Variants in GRIK2 observed in about 807,000 individuals in gnomAD.
GRIK2 encodes the protein glutamate receptor ionotropic, kainate 2.
A neutral mutation model predicts 100.3 loss-of-function variants in GRIK2; 32 were observed. That is an observed-to-expected ratio of 0.32 (90% CI 0.24 to 0.43). The LOEUF (loss-of-function observed/expected upper bound fraction) is 0.43, where lower values mean the gene tolerates loss of function less well. GRIK2 is among the 20% of genes least tolerant of loss of function. The probability of loss-of-function intolerance (pLI) is 1.00; values close to 1 mark genes in which losing one functional copy is unlikely to be tolerated. For synonymous variants in GRIK2, 417 were observed against 389.4 expected (o/e 1.07, Z -0.83); for missense variants, 843 against 1,114.9 (o/e 0.76, Z 3.47).
intron 2 of GRIK2, among the ~76,000 whole-genome samples, chr6:101,420,548 T>C (rs1486343008): frequency 6.6e-6 from 1 of 152,168 alleles, no homozygotes; most frequent in Non-Finnish European, 1.5e-5. Flanking sequence ...GATTCTCAGA[T>C]TCCATCCCAG....
rs144802024 is a variant in GRIK2, at chr6:101,649,619, C to T, written c.541+22982C>T. ...CCTACCTGTATTCTCATAAATTAGT[C>T]GAACTGAGTCACCTTCCTAAACTCT... On this transcript the variant is annotated intron_variant, in intron 4 of 16. Transcript: ENST00000369134. 1.5e-4 allele frequency among the ~76,000 whole-genome samples: 23 copies of T among 152,204 alleles called. No individual in the cohort carries two copies. The East Asian group carries it at 3.3e-3, about 22-fold the overall frequency.
At chr6:101,831,155 T>C (rs1782656231) in intron 10 of GRIK2, among the ~76,000 whole-genome samples, 1 of 152,154 alleles carries the variant, frequency 6.6e-6, no homozygotes, top group African/African-American at 2.4e-5. Context: ...CTCTAGATTA[T>C]GATAGTTATT....
At chr6:101,746,620 C>A (rs996981344) in intron 7 of GRIK2, among the ~76,000 whole-genome samples, 3 of 152,146 alleles carry the variant, frequency 2.0e-5, no homozygotes, top group Non-Finnish European at 2.9e-5. Flanking sequence ...AGCCACTGCG[C>A]CTGGCCTACC....
chr6:101,618,231 T>G (rs532384452), intron 2 of GRIK2, among the ~76,000 whole-genome samples: 12 of 151,834 alleles, frequency 7.9e-5, no homozygotes, highest in African/African-American at 2.6e-4. Context: ...TTATTGAAAA[T>G]ACAATCCTTT....
rs147316188 is a variant in GRIK2 at position 102,039,183 on chromosome 6, C to T, written c.2311+3617C>T. 5.3e-5 allele frequency among the ~76,000 whole-genome samples: 8 copies of T among 151,472 alleles called. No homozygotes were observed. In the East Asian group the frequency reaches 1.6e-3, roughly 30 times the overall value. Reference sequence around the variant, plus strand: ...TACTGCCCAAAGTGTGCTGTGAGATCGCTGAATGACTCAGAATAAGCTATT... The same window carrying T: ...TACTGCCCAAAGTGTGCTGTGAGATTGCTGAATGACTCAGAATAAGCTATT... On this transcript the variant is annotated intron_variant, in intron 15 of 16. Coordinates refer to ENST00000369134, the MANE Select transcript of GRIK2 (RefSeq NM_021956.5).
At chr6:101,488,581 T>C (rs368431489) in intron 2 of GRIK2, among the ~76,000 whole-genome samples, 4 of 146,660 alleles carry the variant, frequency 2.7e-5, no homozygotes, top group South Asian at 2.2e-4. Context: ...GATGTCTTCA[T>C]TGGTTTTGCA....
intron 3 of GRIK2, among the ~76,000 whole-genome samples, chr6:101,625,734 A>T (rs1366852925): frequency 6.6e-6 from 1 of 152,172 alleles, no homozygotes; most frequent in African/African-American, 2.4e-5. Context: ...ACTTTAAAAA[A>T]TAGAATAATA....
intron 2 of GRIK2, among the ~76,000 whole-genome samples, chr6:101,575,324 T>G (rs1027134263): frequency 6.6e-6 from 1 of 151,946 alleles, no homozygotes; most frequent in African/African-American, 2.4e-5. Flanking sequence ...AATTTTTTTG[T>G]AGCAGACCAA....
intron 2 of GRIK2, among the ~76,000 whole-genome samples, chr6:101,444,119 C>T (rs2128247048): frequency 6.6e-6 from 1 of 151,906 alleles, no homozygotes; most frequent in South Asian, 2.1e-4. Context: ...GGGTCTTGCT[C>T]TGTTGCCTAG....
chr6:101,664,521 A>C (rs143022829), intron 4 of GRIK2, among the ~76,000 whole-genome samples: 1 of 152,386 alleles, frequency 6.6e-6, no homozygotes, highest in South Asian at 2.1e-4. Context: ...TGAAATTAGC[A>C]TATACTGAGC....
At chr6:102,014,815 G>T (rs1462292079) in intron 14 of GRIK2, among the ~76,000 whole-genome samples, 1 of 151,858 alleles carries the variant, frequency 6.6e-6, no homozygotes, top group African/African-American at 2.4e-5. Flanking sequence ...GTATGACAGG[G>T]GGTTCTTTTG....
chr6:101,418,237 G>A (rs1776243525), intron 2 of GRIK2, among the ~76,000 whole-genome samples: 1 of 152,142 alleles, frequency 6.6e-6, no homozygotes, highest in Non-Finnish European at 1.5e-5. Context: ...CAGTATTTTA[G>A]CAAGTGTTTG....
chr6:101,924,507 T>C lies in GRIK2; in HGVS notation c.1749-94T>C, dbSNP rs2518283. On this transcript the variant is annotated intron_variant, in intron 12 of 16. Coordinates refer to ENST00000369134, the MANE Select transcript of GRIK2 (RefSeq NM_021956.5). ...TGTTTCTGCTTTCTACTTAAACTTATCTGTCTTTTTGTTTCTTTTGCAGCA... is the reference window on the plus strand; with the variant it reads ...TGTTTCTGCTTTCTACTTAAACTTACCTGTCTTTTTGTTTCTTTTGCAGCA... 0.013 allele frequency: 9,368 copies of C among 715,972 alleles called. 652 individuals carry two copies. In the African/African-American group the frequency reaches 0.15, roughly 11 times the overall value. 44.4% of individuals were successfully genotyped at this position (715,972 alleles called of 1,614,324 possible).
At chr6:101,805,991 T>C (rs1562402488) in intron 9 of GRIK2, among the ~76,000 whole-genome samples, 1 of 151,910 alleles carries the variant, frequency 6.6e-6, no homozygotes, top group South Asian at 2.1e-4. Flanking sequence ...TCAAATGAAT[T>C]CTTTCTACTC....
chr6:101,952,815 G>T (rs944832931), intron 14 of GRIK2, among the ~76,000 whole-genome samples: 9 of 152,080 alleles, frequency 5.9e-5, no homozygotes, highest in African/African-American at 2.2e-4. Flanking sequence ...TGTTAGCCAG[G>T]ATGGTCTGGA....
chr6:101,901,064 C>G (rs1787816116), intron 12 of GRIK2, among the ~76,000 whole-genome samples: 1 of 151,978 alleles, frequency 6.6e-6, no homozygotes, highest in South Asian at 2.1e-4. Context: ...TAAACATTTG[C>G]TTTTGACCTG....
At chr6:101,911,442 G>T (rs919749343) in intron 12 of GRIK2, among the ~76,000 whole-genome samples, 4 of 151,488 alleles carry the variant, frequency 2.6e-5, no homozygotes, top group African/African-American at 9.7e-5. Flanking sequence ...TCTTGTAAAT[G>T]TATTTGGGTA....
intron 5 of GRIK2, among the ~76,000 whole-genome samples, chr6:101,681,389 C>T (rs1771233756): frequency 1.4e-5 from 2 of 143,964 alleles, no homozygotes; most frequent in African/African-American, 5.2e-5. Context: ...CCATGCCTGG[C>T]TATTTTTCTT....
In GRIK2 at chr6:101,731,191, A is replaced by G. The variant is rs117955897; in HGVS notation, c.951+44838A>G. Among the ~76,000 whole-genome samples, 136 of 152,072 alleles carry G rather than the reference A, an allele frequency of 8.9e-4. 1 individual carries two copies. The East Asian group carries it at 0.021, about 24-fold the overall frequency. The stretch of plus-strand genomic sequence containing the variant: ...CTGAAAGTGAAATTGTGTCTCTTTG[A>G]TCAATGGACAATTCCACCCTAACCC... On this transcript the variant is annotated intron_variant, in intron 7 of 16. Coordinates refer to ENST00000369134, the MANE Select transcript of GRIK2 (RefSeq NM_021956.5).
Sources: gnomAD v4.1 joint callset for allele counts (sites outside exome capture counted in the v4.1 genomes callset) on GRCh38, gnomAD v4.1.1 for gene constraint, MANE v1.5 for transcripts, NCBI Gene and HGNC (gene_info 2026-07-23, HGNC 2026-07-21) for gene names.